TTC27: variants seen among roughly 807,000 people sequenced by gnomAD.
TTC27 encodes the protein tetratricopeptide repeat protein 27.
Under a neutral mutation model 115.9 loss-of-function variants are expected in TTC27, and 79 were observed. The ratio of observed to expected loss-of-function variants is 0.68; its 90% confidence interval spans 0.57 to 0.82. The LOEUF is 0.82. Among genes scored for constraint, TTC27 ranks in the 40% least tolerant of loss-of-function variants. The pLI is 0.00. For missense variants in TTC27, 1,054 were observed against 993.1 expected, an observed-to-expected ratio of 1.06 and a Z score of -0.82; for synonymous variants, 401 against 356.0, an observed-to-expected ratio of 1.13 and a Z score of -1.42.
At chr2:32,721,617 T>C (rs1667927876) in intron 10 of TTC27, among the ~76,000 whole-genome samples, 1 of 145,832 alleles carries the variant, frequency 6.9e-6, no homozygotes, top group African/African-American at 2.6e-5. Flanking sequence ...TTTCTCTCTC[T>C]CTCTTTTTTT....
At chr2:32,774,183 CTT>C (rs35405720) in intron 13 of TTC27, among the ~76,000 whole-genome samples, 16 of 139,742 alleles carry the variant, frequency 1.1e-4, no homozygotes, top group Non-Finnish European at 7.7e-5. Context: ...CTTCCTTTTA[CTT>C]TTTTTTTTTT....
chr2:32,732,046 G>A (rs1662076149), intron 10 of TTC27, among the ~76,000 whole-genome samples: 1 of 148,718 alleles, frequency 6.7e-6, no homozygotes, highest in Non-Finnish European at 1.5e-5. Flanking sequence ...GAGAGCATTA[G>A]TTATTTTTTC....
At chr2:32,748,827 A>G (rs750582152) in intron 12 of TTC27, among the ~76,000 whole-genome samples, 1 of 151,510 alleles carries the variant, frequency 6.6e-6, no homozygotes, top group Non-Finnish European at 1.5e-5. Flanking sequence ...AGCTGGGATT[A>G]CAGGTTTACG....
chr2:32,800,754 C>T (rs1368496648), intron 16 of TTC27, among the ~76,000 whole-genome samples: 1 of 152,124 alleles, frequency 6.6e-6, no homozygotes, highest in East Asian at 1.9e-4. Context: ...CCTGCCTCGG[C>T]CTCCCAAAGT....
intron 9 of TTC27, among the ~76,000 whole-genome samples, chr2:32,692,036 G>GTTTTTTTTTGTTTTTTTTTTTTT (rs1666831187): frequency 1.6e-5 from 1 of 61,188 alleles, no homozygotes; most frequent in Non-Finnish European, 2.9e-5. Flanking sequence ...AATTTTTTAG[G>GTTTTTTTTTGTTTTTTTTTTTTT]TTTTTTTTTT....
chr2:32,635,710 G>A (rs1170194160), intron 3 of TTC27, among the ~76,000 whole-genome samples: 1 of 151,656 alleles, frequency 6.6e-6, no homozygotes, highest in African/African-American at 2.4e-5. Flanking sequence ...AAAAGAATTG[G>A]GTGTAGCAAG....
intron 12 of TTC27, among the ~76,000 whole-genome samples, chr2:32,753,736 C>T (rs943158348): frequency 4.7e-4 from 72 of 152,118 alleles, no homozygotes; most frequent in Non-Finnish European, 9.7e-4. Flanking sequence ...CTTGAGCCAC[C>T]GTGTGGAGCC....
intron 4 of TTC27, among the ~76,000 whole-genome samples, chr2:32,643,613 C>T (rs1664737788): frequency 6.6e-6 from 1 of 151,938 alleles, no homozygotes; most frequent in Admixed American, 6.6e-5. Flanking sequence ...AGCTACTTTA[C>T]TCTAGGTAAA....
chr2:32,628,751 T>A (rs751415338), intron 1 of TTC27, among the ~76,000 whole-genome samples: 1 of 125,520 alleles, frequency 8.0e-6, no homozygotes, highest in Non-Finnish European at 1.8e-5. Context: ...ATTTATTTAT[T>A]TATTTATTTA....
rs76810765 is a variant in TTC27 at position 32,752,205 on chromosome 2, G to C, written c.1453-6087G>C. Among the ~76,000 whole-genome samples, 247 of 152,212 alleles carry C rather than the reference G, an allele frequency of 1.6e-3. 4 individuals are homozygous for C. In the East Asian group the frequency reaches 0.042, roughly 26 times the overall value. ...CTCTAAGCTTTTCCCCAGCTTACAC[G>C]GAACATCTACCATAGCACTTTTCAA... On this transcript the variant is annotated intron_variant, in intron 12 of 19. Transcript: ENST00000317907.
intron 9 of TTC27, among the ~76,000 whole-genome samples, chr2:32,697,511 G>A (rs1667028132): frequency 6.6e-6 from 1 of 152,176 alleles, no homozygotes; most frequent in Admixed American, 6.6e-5. Flanking sequence ...TTCAGTAAAT[G>A]TGAAGTTTGT....
At chr2:32,745,054 CAAAAAAAA>C (rs57044153) in intron 12 of TTC27, among the ~76,000 whole-genome samples, 1 of 49,864 alleles carries the variant, frequency 2.0e-5, no homozygotes, top group South Asian at 1.2e-3. Context: ...AACTCTGTCT[CAAAAAAAA>C]AAAAAAAAAA....
At chr2:32,746,689 A>G (rs1445108857) in intron 12 of TTC27, among the ~76,000 whole-genome samples, 1 of 152,032 alleles carries the variant, frequency 6.6e-6, no homozygotes. Context: ...TTGATATTGC[A>G]GAAGTGATGT....
intron 10 of TTC27, among the ~76,000 whole-genome samples, chr2:32,720,437 C>T (rs1025695497): frequency 1.3e-5 from 2 of 150,856 alleles, no homozygotes; most frequent in Non-Finnish European, 3.0e-5. Context: ...TCTGGCACTT[C>T]AATAATCTGA....
chr2:32,758,611 T>C, intron 13 of TTC27, 92 bp downstream of exon 13: 1 of 1,199,796 alleles, frequency 8.3e-7, no homozygotes, highest in Non-Finnish European at 1.2e-6. Context: ...TCTAACCTGA[T>C]AACTGGTGAG....
At chr2:32,699,368 A>G (rs890485169) in intron 9 of TTC27, among the ~76,000 whole-genome samples, 12 of 152,240 alleles carry the variant, frequency 7.9e-5, no homozygotes, top group African/African-American at 2.7e-4. Context: ...AATTAAGAGC[A>G]GTAACCCCCT....
chr2:32,761,032 T>G (rs554587052), intron 13 of TTC27, among the ~76,000 whole-genome samples: 1 of 152,194 alleles, frequency 6.6e-6, no homozygotes, highest in South Asian at 2.1e-4. Context: ...AGATTTTATT[T>G]TCACTCCTGT....
intron 16 of TTC27, among the ~76,000 whole-genome samples, chr2:32,796,616 T>C (rs1033746079): frequency 5.3e-5 from 8 of 152,204 alleles, no homozygotes; most frequent in African/African-American, 1.4e-4. Context: ...GAAATCTGAA[T>C]GGATTGGTTT....
intron 17 of TTC27, among the ~76,000 whole-genome samples, chr2:32,811,465 G>T (rs1437919320): frequency 6.6e-6 from 1 of 152,096 alleles, no homozygotes; most frequent in Admixed American, 6.5e-5. Context: ...TCCTGCAAAA[G>T]GGCCTCTTGA....
Sources: gnomAD v4.1 joint callset for allele counts (sites outside exome capture counted in the v4.1 genomes callset) on GRCh38, gnomAD v4.1.1 for gene constraint, MANE v1.5 for transcripts, NCBI Gene and HGNC (gene_info 2026-07-23, HGNC 2026-07-21) for gene names.